Variants in EIF3L observed in about 807,000 individuals in gnomAD.
EIF3L encodes eIEF associated protein HSPC021.
EIF3L carries 32 observed loss-of-function variants against 74.6 expected under a neutral mutation model. The observed-to-expected ratio is 0.43, with a 90% CI of 0.32 to 0.58. The LOEUF is 0.58. Among genes scored for constraint, EIF3L ranks in the 20% least tolerant of loss-of-function variants. The probability of loss-of-function intolerance (pLI) is 0.06; values close to 1 mark genes in which losing one functional copy is unlikely to be tolerated. For missense variants in EIF3L, 474 were observed against 707.8 expected, an observed-to-expected ratio of 0.67 and a Z score of 3.75; for synonymous variants, 256 against 254.4, an observed-to-expected ratio of 1.01 and a Z score of -0.06.
At chr22:37,870,693 T>C (rs1926423719) in intron 8 of EIF3L, among the ~76,000 whole-genome samples, 1 of 152,082 alleles carries the variant, frequency 6.6e-6, no homozygotes, top group Admixed American at 6.5e-5. Flanking sequence ...AATGTATCTA[T>C]TTTAAAAAAT....
rs140860349 is a variant in EIF3L at position 37,851,477 on chromosome 22, A to G, written c.280A>G (p.Ile94Val). ...CCAGAAGGTGTATGAGATCCAGGAC[A>G]TCTATGAGAACAGGTATGGGCTACT... ...IDQKVYEIQD[I>V]YENSWTKLTE... The change falls in exon 3 of 13, where the codon ATC becomes GTC. Residue 94 changes from isoleucine to valine, a missense_variant. By Grantham distance (29) the Ile-to-Val change is conservative. This residue lies in a region of EIF3L where 141 missense variants were observed against 197.7 expected (regional missense o/e 0.71). Transcript: ENST00000652021. The G allele has an allele frequency of 8.8e-6, 14 of 1,599,836 alleles. No individual in the cohort carries two copies. The African/African-American group carries it at 1.9e-4, about 22-fold the overall frequency.
chr22:37,867,597 C>T (rs1926217993), intron 7 of EIF3L, among the ~76,000 whole-genome samples: 1 of 146,348 alleles, frequency 6.8e-6, no homozygotes. Flanking sequence ...GCAGAGGTTG[C>T]AGTGAGCTGA....
Position 37,877,837 on chromosome 22 carries a change from G to C in EIF3L, c.1241G>C (p.Ser414Thr), listed in dbSNP as rs1279037565. The C allele has an allele frequency of 6.2e-7, 1 of 1,613,734 alleles. No homozygotes were observed. The highest frequency in any genetic ancestry group is 1.3e-5 in the African/African-American group (1 of 74,904). Residue 414 changes from serine to threonine, a missense_variant, in exon 11 of 13, where the codon AGT becomes ACT. Physicochemically the swap from Ser to Thr is moderately conservative, Grantham distance 58 (BLOSUM62 1). Around this residue, in one of 4 missense-constraint regions of EIF3L, gnomAD observed 293 missense variants for 469.1 expected, o/e 0.62. Coordinates refer to ENST00000652021, the MANE Select transcript of EIF3L (RefSeq NM_016091.4). ...CCACAAGTCTATGAAGAACTTTTCAGTTACTCCTGCCCCAAGTTCCTGTCG... is the reference window on the plus strand; with the variant it reads ...CCACAAGTCTATGAAGAACTTTTCACTTACTCCTGCCCCAAGTTCCTGTCG... ...GDPQVYEELFSYSCPKFLSPV... is the reference protein window; with the variant it reads ...GDPQVYEELFTYSCPKFLSPV...
At chr22:37,862,833 T>A in intron 5 of EIF3L, 136 bp from the exon 6 acceptor site, 1 of 641,124 alleles carries the variant, frequency 1.6e-6, no homozygotes, top group Non-Finnish European at 2.6e-6. Flanking sequence ...TCCCTCTCAC[T>A]TGCATATTTA....
Position 37,874,358 on chromosome 22 carries a change from T to C in EIF3L, c.752-12T>C. 6.2e-7 allele frequency: 1 copy of C among 1,612,930 alleles called. No homozygotes were observed. On this transcript the variant is annotated splice_polypyrimidine_tract_variant and intron_variant, in intron 8 of 12. Transcript: ENST00000652021. ...GCCTCCTATCAGTATTCACGGTGTC[T>C]GTCTCTTTCAGGTGACCCTGAGAGT...
chr22:37,855,032 A>G (rs1601754006), intron 3 of EIF3L, among the ~76,000 whole-genome samples: 1 of 152,300 alleles, frequency 6.6e-6, no homozygotes, highest in Middle Eastern at 3.4e-3. Flanking sequence ...AGGAGATTGG[A>G]GGAAAGTATT....
At chr22:37,884,865 A>G (rs1302081511) in intron 11 of EIF3L, 1 of 150,336 alleles carries the variant, frequency 6.7e-6, no homozygotes, top group African/African-American at 2.4e-5. Context: ...AATAAAAATA[A>G]AGAAAACTTT....
intron 5 of EIF3L, among the ~76,000 whole-genome samples, chr22:37,859,602 T>TC (rs1925743604): frequency 6.6e-6 from 1 of 151,688 alleles, no homozygotes; most frequent in African/African-American, 2.4e-5. Flanking sequence ...CAGGATGGTC[T>TC]CCATCTCCTG....
intron 7 of EIF3L, among the ~76,000 whole-genome samples, chr22:37,869,771 A>G (rs562974079): frequency 1.3e-5 from 2 of 152,184 alleles, no homozygotes; most frequent in Non-Finnish European, 1.5e-5. Flanking sequence ...ATCACTGCCC[A>G]TAACCCAGGG....
At chr22:37,863,128 G>A (rs1925950214) in intron 6 of EIF3L, 90 bp downstream of exon 6, 1 of 1,205,034 alleles carries the variant, frequency 8.3e-7, no homozygotes, top group Non-Finnish European at 1.2e-6. Flanking sequence ...TTTTAAATTA[G>A]CAGGATCTTA....
chr22:37,882,224 T>G (rs1049050246), intron 11 of EIF3L: 1 of 151,912 alleles, frequency 6.6e-6, no homozygotes, highest in South Asian at 2.1e-4. Context: ...GGAGACTCAC[T>G]TGAGCCCAAG....
At chr22:37,855,073 A>G (rs1466371072) in intron 3 of EIF3L, among the ~76,000 whole-genome samples, 4 of 152,218 alleles carry the variant, frequency 2.6e-5, no homozygotes, top group Non-Finnish European at 4.4e-5. Context: ...GGAGAAGAAA[A>G]TTAAACAACC....
At chr22:37,883,652 ACCTATAATCCCAGCACTT>A (rs1927176028) in intron 11 of EIF3L, 1 of 149,990 alleles carries the variant, frequency 6.7e-6, no homozygotes, top group Non-Finnish European at 1.5e-5. Context: ...GATGCTTTAC[ACCTATAATCCCAGCACTT>A]TGGGAGGCCA....
rs568421464 is a variant in EIF3L, at chr22:37,851,704, C to T, written c.293+214C>T. 6.6e-4 allele frequency: 303 copies of T among 457,072 alleles called. 1 individual carries two copies. Among genetic ancestry groups the T allele is most frequent in the Non-Finnish European group, 1.1e-3 (259 of 246,476 alleles). 28.3% of individuals were successfully genotyped at this position (457,072 alleles called of 1,614,324 possible). On this transcript the variant is annotated intron_variant, in intron 3 of 12. Transcript: ENST00000652021. ...TTTTTGAAACGGAGTGTCACTCTGT[C>T]GCCCAGGCTGGAGTGCAGTGGCAAG...
In EIF3L at chr22:37,877,898, C is replaced by T. The variant is rs775106728; in HGVS notation, c.1302C>T (p.Asn434=). Residue 434 remains asparagine (N), a synonymous_variant, in exon 11 of 13, where the codon AAC becomes AAT. Coordinates refer to ENST00000652021, the MANE Select transcript of EIF3L (RefSeq NM_016091.4). ...VVPNYDNVHP[N]YHKEPFLQQL... is the part of the protein sequence containing the mutation. ...CCAACTATGATAATGTGCACCCCAA[C>T]TACCACAAAGAGCCCTTCCTGCAGC... 6.8e-6 allele frequency: 11 copies of T among 1,612,942 alleles called. No individual in the cohort carries two copies. The African/African-American group carries it at 1.1e-4, about 16-fold the overall frequency.
At chr22:37,872,241 C>T (rs1413406561) in intron 8 of EIF3L, among the ~76,000 whole-genome samples, 3 of 152,006 alleles carry the variant, frequency 2.0e-5, no homozygotes, top group Non-Finnish European at 2.9e-5. Context: ...TCTCAGCCTC[C>T]AGGGATATAG....
chr22:37,863,917 T>G (rs1926001763), intron 7 of EIF3L, among the ~76,000 whole-genome samples: 1 of 151,966 alleles, frequency 6.6e-6, no homozygotes, highest in Non-Finnish European at 1.5e-5. Context: ...TACAAAAAAT[T>G]AGCCGGGCGT....
chr22:37,852,162 A>G (rs1925263345), intron 3 of EIF3L, among the ~76,000 whole-genome samples: 1 of 152,136 alleles, frequency 6.6e-6, no homozygotes, highest in Non-Finnish European at 1.5e-5. Flanking sequence ...CACTATTAAC[A>G]ATTATAATAA....
At chr22:37,864,761 A>T (rs1258550806) in intron 7 of EIF3L, among the ~76,000 whole-genome samples, 2 of 151,738 alleles carry the variant, frequency 1.3e-5, no homozygotes, top group Admixed American at 1.3e-4. Context: ...CTGGTCTCGA[A>T]CTCCCAACTT....
Sources: allele counts gnomAD v4.1 joint callset (sites outside exome capture counted in the v4.1 genomes callset), GRCh38; gene constraint gnomAD v4.1.1; regional missense constraint gnomAD v4.1.1; transcripts MANE v1.5; gene names NCBI Gene and HGNC (gene_info 2026-07-23, HGNC 2026-07-21).